Variants in OSBP2 observed in about 807,000 individuals in gnomAD.
OSBP2 encodes the protein oxysterol-binding protein 2.
OSBP2 carries 66 observed loss-of-function variants against 96.0 expected under a neutral mutation model. The observed-to-expected ratio is 0.69, with a 90% CI of 0.56 to 0.84. The LOEUF is 0.84. OSBP2 is among the 40% of genes least tolerant of loss of function. OSBP2 has a pLI of 0.00. For synonymous variants in OSBP2, 525 were observed against 520.9 expected (o/e 1.01, Z -0.11); for missense variants, 1,038 against 1,222.7 (o/e 0.85, Z 2.25).
At chr22:30,783,350 C>CTGT (rs925802886) in intron 2 of OSBP2, among the ~76,000 whole-genome samples, 1 of 105,992 alleles carries the variant, frequency 9.4e-6, no homozygotes, top group Non-Finnish European at 1.7e-5. Flanking sequence ...GAGTCTTGCT[C>CTGT]TGTTGCCCAG....
intron 1 of OSBP2, among the ~76,000 whole-genome samples, chr22:30,716,731 C>A (rs528942500): frequency 2.0e-5 from 3 of 152,294 alleles, no homozygotes; most frequent in African/African-American, 7.2e-5. Context: ...AGCCACCATG[C>A]CTAGCCCCTT....
At chr22:30,754,465 C>T (rs2090116598) in intron 2 of OSBP2, among the ~76,000 whole-genome samples, 1 of 152,268 alleles carries the variant, frequency 6.6e-6, no homozygotes, top group African/African-American at 2.4e-5. Flanking sequence ...CTTTAAGGAG[C>T]TCACTGTTTG....
chr22:30,887,456 A>C lies in OSBP2; in HGVS notation c.1138A>C (p.Ile380Leu). The change falls in exon 4 of 14, where the codon ATA (isoleucine) becomes CTA (leucine). Residue 380 changes from isoleucine to leucine, a missense_variant. Physicochemically the swap from Ile to Leu is conservative, Grantham distance 5. Around this residue, in one of 3 missense-constraint regions of OSBP2, gnomAD observed 737 missense variants for 913.3 expected, o/e 0.81. Coordinates refer to ENST00000332585, the MANE Select transcript of OSBP2 (RefSeq NM_030758.4). ...CAGGGACTTCTTGGAACTAGCAGAG[A>C]TACACAGTCGGAAATGGCAGCGGGC... Reference protein sequence around the residue: ...ACRDFLELAEIHSRKWQRALQ... With the variant: ...ACRDFLELAELHSRKWQRALQ... 6.2e-7 allele frequency: 1 copy of C among 1,613,870 alleles called. No individual in the cohort carries two copies. The highest frequency in any genetic ancestry group is 8.5e-7 in the Non-Finnish European group (1 of 1,179,998).
At chr22:30,856,647 A>G (rs1033070868) in intron 2 of OSBP2, among the ~76,000 whole-genome samples, 2 of 151,960 alleles carry the variant, frequency 1.3e-5, no homozygotes, top group Non-Finnish European at 2.9e-5. Context: ...GTGGCCTCCC[A>G]AAGTGCTGAG....
intron 2 of OSBP2, among the ~76,000 whole-genome samples, chr22:30,807,195 G>A (rs2090940017): frequency 6.6e-6 from 1 of 151,998 alleles, no homozygotes; most frequent in Admixed American, 6.6e-5. Context: ...TCAGTTACTG[G>A]CCCCATCTCT....
chr22:30,767,646 G>C (rs575821436), intron 2 of OSBP2, among the ~76,000 whole-genome samples: 1 of 151,580 alleles, frequency 6.6e-6, no homozygotes, highest in East Asian at 1.9e-4. Context: ...TCCTCTCCCT[G>C]TCTTAGAGAG....
intron 2 of OSBP2, among the ~76,000 whole-genome samples, chr22:30,747,541 CCA>C (rs1250479993): frequency 6.6e-6 from 1 of 152,128 alleles, no homozygotes; most frequent in African/African-American, 2.4e-5. Context: ...ATGTTTACAT[CCA>C]CACACACGTA....
At chr22:30,902,511 AG>A in intron 12 of OSBP2, 3 of 1,524,818 alleles carry the variant, frequency 2.0e-6, no homozygotes, top group Non-Finnish European at 9.1e-7. Context: ...ACGAAGCTTC[AG>A]GGATGACTTC....
At chr22:30,715,499 C>T (rs1274691548) in intron 1 of OSBP2, among the ~76,000 whole-genome samples, 10 of 151,554 alleles carry the variant, frequency 6.6e-5, no homozygotes, top group Non-Finnish European at 1.0e-4. Flanking sequence ...ACCTCAGCCT[C>T]CTGAGTAGCT....
At chr22:30,730,736 C>CTCTCTG (rs2089741280) in intron 1 of OSBP2, among the ~76,000 whole-genome samples, 4 of 32,902 alleles carry the variant, frequency 1.2e-4, no homozygotes, top group Admixed American at 7.6e-4. Flanking sequence ...CTCTCTCTCT[C>CTCTCTG]TCTCTCTCTC....
chr22:30,803,583 G>C (rs1384284129), intron 2 of OSBP2, among the ~76,000 whole-genome samples: 1 of 152,254 alleles, frequency 6.6e-6, no homozygotes, highest in East Asian at 1.9e-4. Flanking sequence ...ACAGAGGCCA[G>C]CCATCTTTTA....
At chr22:30,812,041 G>A (rs2091015588) in intron 2 of OSBP2, among the ~76,000 whole-genome samples, 1 of 151,108 alleles carries the variant, frequency 6.6e-6, no homozygotes, top group Non-Finnish European at 1.5e-5. Context: ...TTTTTGTAGA[G>A]ACAGGGTCTT....
intron 1 of OSBP2, among the ~76,000 whole-genome samples, chr22:30,708,194 C>T (rs1348121191): frequency 6.6e-6 from 1 of 152,084 alleles, no homozygotes; most frequent in African/African-American, 2.4e-5. Flanking sequence ...GGCTGTTCAG[C>T]CCCTTTTCTA....
chr22:30,801,948 G>T (rs1169935700), intron 2 of OSBP2, among the ~76,000 whole-genome samples: 2 of 152,156 alleles, frequency 1.3e-5, no homozygotes, highest in African/African-American at 4.8e-5. Flanking sequence ...CTGAACTCCA[G>T]CCTGGGCAAC....
Position 30,902,129 on chromosome 22 carries a change from AAAAAAAAAACC to A in OSBP2, c.2376-3698_2376-3688del, listed in dbSNP as rs1475313155. 1,241 of 134,488 alleles carry A rather than the reference AAAAAAAAAACC, an allele frequency of 9.2e-3. 1 individual carries two copies. The highest frequency in any genetic ancestry group is 0.034 in the African/African-American group (378 of 11,088). 8.3% of individuals were successfully genotyped at this position (134,488 alleles called of 1,614,324 possible). On this transcript the variant is annotated intron_variant, in intron 12 of 13. Coordinates refer to ENST00000332585, the MANE Select transcript of OSBP2 (RefSeq NM_030758.4). ...ATATAAGAAAAAAAAAAAAAACGAA[AAAAAAAAAACC>A]AAAAAAAAAAAACAGAGGGTCCCAC...
rs1569179208 is a variant in OSBP2, at chr22:30,906,480, C to T, written c.*141C>T. ...TCCTTTCCTATTTTTTTTTTCTCCC[C>T]ACACTTTCTTGGGACTCCCACCTTG... On this transcript the variant is annotated 3_prime_UTR_variant, in exon 14 of 14. Coordinates refer to ENST00000332585, the MANE Select transcript of OSBP2 (RefSeq NM_030758.4). 3.7e-5 allele frequency: 40 copies of T among 1,087,970 alleles called. No homozygotes were observed. Among genetic ancestry groups the T allele is most frequent in the Non-Finnish European group, 4.7e-5 (38 of 806,328 alleles). The allele number at this position is 1,087,970 out of a possible 1,614,324, so 67.4% of individuals were successfully genotyped here. A position where few individuals can be genotyped will look rare whatever the true frequency, so the allele number is the denominator to read the frequency against.
intron 2 of OSBP2, among the ~76,000 whole-genome samples, chr22:30,795,034 C>A (rs959623868): frequency 1.3e-5 from 2 of 151,736 alleles, no homozygotes; most frequent in African/African-American, 4.8e-5. Flanking sequence ...CTCAGCCTCC[C>A]AAGTAGCTGG....
rs201122870 is a variant in OSBP2 at position 30,704,876 on chromosome 22, T to G, written c.644+9323T>G. 9.2e-5 allele frequency among the ~76,000 whole-genome samples: 14 copies of G among 152,272 alleles called. No individual in the cohort carries two copies. The East Asian group carries it at 2.5e-3, about 27-fold the overall frequency. Reference sequence around the variant, plus strand: ...CTACCAGACACTAGCCAAAGGCCCCTTGGAAGCAGGCCTGTCAAAGGACGG... The same window carrying G: ...CTACCAGACACTAGCCAAAGGCCCCGTGGAAGCAGGCCTGTCAAAGGACGG... On this transcript the variant is annotated intron_variant, in intron 1 of 13. Coordinates refer to ENST00000332585, the MANE Select transcript of OSBP2 (RefSeq NM_030758.4).
At chr22:30,825,539 C>T (rs1349523855) in intron 2 of OSBP2, among the ~76,000 whole-genome samples, 2 of 152,234 alleles carry the variant, frequency 1.3e-5, no homozygotes, top group African/African-American at 4.8e-5. Context: ...ATGGGGGAAG[C>T]ACCCACTTGA....
Sources: gnomAD v4.1 joint callset for allele counts (sites outside exome capture counted in the v4.1 genomes callset) on GRCh38, gnomAD v4.1.1 for gene constraint, gnomAD v4.1.1 regional missense constraint, MANE v1.5 for transcripts, NCBI Gene and HGNC (gene_info 2026-07-23, HGNC 2026-07-21) for gene names.